Variants in PCDHGA3 observed in about 807,000 individuals in gnomAD.
PCDHGA3 encodes the protein protocadherin gamma subfamily A, 3.
A neutral mutation model predicts 58.5 loss-of-function variants in PCDHGA3; 40 were observed. The ratio of observed to expected loss-of-function variants is 0.68; its 90% CI spans 0.53 to 0.89. The LOEUF is 0.89. Ranked by LOEUF, PCDHGA3 falls within the 40% of genes least tolerant of loss-of-function variation. The probability of loss-of-function intolerance (pLI) is 0.00; values close to 1 mark genes in which losing one functional copy is unlikely to be tolerated. For synonymous variants in PCDHGA3, 530 were observed against 525.7 expected, an observed-to-expected ratio of 1.01 and a Z score of -0.11; for missense variants, 1,223 against 1,195.9, an observed-to-expected ratio of 1.02 and a Z score of -0.33.
chr5:141,409,187 A>C, intron 1 of PCDHGA3: 1 of 1,614,024 alleles, frequency 6.2e-7, no homozygotes, highest in Non-Finnish European at 8.5e-7. Flanking sequence ...TGGTCTCTCT[A>C]CCCAGTGTAA....
intron 1 of PCDHGA3, chr5:141,370,267 C>G (rs960781969): frequency 3.9e-6 from 3 of 767,522 alleles, no homozygotes; most frequent in Non-Finnish European, 6.1e-6. Flanking sequence ...CTTCCTGCAG[C>G]GGAGACACCC....
At position 141,363,058 on chromosome 5, in the gene PCDHGA3, C is replaced by G. The variant is rs114390762; in HGVS notation, c.2424+16601C>G. On this transcript the variant is annotated intron_variant, in intron 1 of 3. Coordinates refer to ENST00000253812, the MANE Select transcript of PCDHGA3 (RefSeq NM_018916.4). ...GACTTGAAGACCAACACTCAGTAAG[C>G]TAAATGTCTTGGAATCACAAATGTA... Among the ~76,000 whole-genome samples the G allele has an allele frequency of 1.4e-3, 215 of 152,336 alleles. 2 individuals carry two copies. Among genetic ancestry groups the G allele is most frequent in the African/African-American group, 4.9e-3 (205 of 41,574 alleles).
Position 141,366,720 on chromosome 5 carries a change from T to C in PCDHGA3, c.2424+20263T>C, listed in dbSNP as rs1471976896. 1.2e-6 allele frequency: 2 copies of C among 1,613,598 alleles called. No individual in the cohort carries two copies. Among genetic ancestry groups the C allele is most frequent in the East Asian group, 4.5e-5 (2 of 44,886 alleles). On this transcript the variant is annotated intron_variant, in intron 1 of 3. Transcript: ENST00000253812. ...GAGCCTCTTCTGATGTCTGATAAGG[T>C]AGATGCAAACAAAGAAGAACGGCGA... is the stretch of plus-strand genomic sequence containing the variant.
intron 1 of PCDHGA3, chr5:141,433,007 C>T (rs550227016): frequency 1.2e-6 from 2 of 1,614,198 alleles, no homozygotes; most frequent in Admixed American, 3.3e-5. Context: ...GCAGGCTTTC[C>T]TGCAGACCTA....
intron 1 of PCDHGA3, chr5:141,427,495 C>T: frequency 1.8e-6 from 1 of 562,648 alleles, no homozygotes; most frequent in South Asian, 1.5e-5. Flanking sequence ...AAGCTTGTAA[C>T]AGATGGGACC....
chr5:141,374,581 C>G, intron 1 of PCDHGA3: 14 of 1,613,660 alleles, frequency 8.7e-6, no homozygotes, highest in Non-Finnish European at 1.0e-5. Flanking sequence ...GAATGAACTC[C>G]CTTCAGGGAT....
chr5:141,391,906 T>C (rs2092441756), intron 1 of PCDHGA3: 2 of 152,218 alleles, frequency 1.3e-5, no homozygotes, highest in Non-Finnish European at 2.9e-5. Flanking sequence ...GCTTTGCTTT[T>C]TATCATATAT....
At position 141,486,028 on chromosome 5, in the gene PCDHGA3, C is replaced by T; in HGVS notation, c.2425-8779C>T. On this transcript the variant is annotated intron_variant, in intron 1 of 3. Transcript: ENST00000253812. This position sits in a 1 kb window ranked among gnomAD's most constrained non-coding sequence, Gnocchi z 5.0. ...TCACCTTTTATTTCAGTGGTCATAC[C>T]CCTGATCGTGTAAGAAACCTCTTTA... The T allele has an allele frequency of 6.2e-7, 1 of 1,614,134 alleles. No individual in the cohort carries two copies. Among genetic ancestry groups the T allele is most frequent in the Non-Finnish European group, 8.5e-7 (1 of 1,180,020 alleles).
At chr5:141,386,253 A>G (rs539545859) in intron 1 of PCDHGA3, among the ~76,000 whole-genome samples, 1 of 152,364 alleles carries the variant, frequency 6.6e-6, no homozygotes, top group Admixed American at 6.5e-5. Context: ...AAATAACCCA[A>G]TCTGGGATTA....
At chr5:141,364,414 C>T in intron 1 of PCDHGA3, 3 of 1,612,330 alleles carry the variant, frequency 1.9e-6, no homozygotes, top group Non-Finnish European at 2.5e-6. Flanking sequence ...AGCCAGGATC[C>T]GGGCAGATCC....
intron 1 of PCDHGA3, chr5:141,375,477 AC>A (rs768233872): frequency 3.1e-6 from 5 of 1,613,798 alleles, no homozygotes; most frequent in Non-Finnish European, 4.2e-6. Context: ...CTTGAAAACA[AC>A]CCCAGGGGTG....
In PCDHGA3 at chr5:141,476,836, T is replaced by C. The variant is rs772607917; in HGVS notation, c.2425-17971T>C. On this transcript the variant is annotated intron_variant, in intron 1 of 3. Coordinates refer to ENST00000253812, the MANE Select transcript of PCDHGA3 (RefSeq NM_018916.4). The surrounding 1 kb of genome is among the most constrained non-coding windows in gnomAD (Gnocchi z 7.6). ...TCAAGGTGCTGGACGCGAATGACAATGCGCCTGTCTTCAACCAGTCCTTGT... is the reference window on the plus strand; with the variant it reads ...TCAAGGTGCTGGACGCGAATGACAACGCGCCTGTCTTCAACCAGTCCTTGT... 1.9e-6 allele frequency: 3 copies of C among 1,613,652 alleles called. 1 individual carries two copies. The highest frequency in any genetic ancestry group is 2.2e-5 in the East Asian group (1 of 44,852).
At chr5:141,418,185 T>C in intron 1 of PCDHGA3, 1 of 1,614,058 alleles carries the variant, frequency 6.2e-7, no homozygotes, top group Non-Finnish European at 8.5e-7. Flanking sequence ...TTGGAAGCTG[T>C]GGTGGAAAAT....
chr5:141,371,999 C>T (rs1243800762), intron 1 of PCDHGA3: 33 of 1,613,154 alleles, frequency 2.0e-5, no homozygotes, highest in Non-Finnish European at 2.8e-5. Flanking sequence ...TGCAGGCCCG[C>T]GACCAGGGCT....
At chr5:141,475,889 T>C in intron 1 of PCDHGA3, 1 of 562,248 alleles carries the variant, frequency 1.8e-6, no homozygotes, top group Non-Finnish European at 3.1e-6. Context: ...GCTGGGACTC[T>C]GTGTGCCGCT....
At chr5:141,390,632 A>G in intron 1 of PCDHGA3, 1 of 240,428 alleles carries the variant, frequency 4.2e-6, no homozygotes, top group Admixed American at 5.1e-5. Context: ...ATATATGATG[A>G]ATACTTTTTT....
At chr5:141,421,603 G>T (rs1207844782) in intron 1 of PCDHGA3, 4 of 1,613,758 alleles carry the variant, frequency 2.5e-6, no homozygotes, top group Non-Finnish European at 3.4e-6. Context: ...GGAAATAATA[G>T]ATATTAATGA....
At chr5:141,366,530 G>A (rs1367752989) in intron 1 of PCDHGA3, 4 of 1,614,230 alleles carry the variant, frequency 2.5e-6, no homozygotes, top group African/African-American at 1.3e-5. Flanking sequence ...CAGGTTGGCG[G>A]GTGTGCCCGC....
At chr5:141,401,059 G>T (rs1418485253) in intron 1 of PCDHGA3, among the ~76,000 whole-genome samples, 2 of 152,082 alleles carry the variant, frequency 1.3e-5, no homozygotes, top group Non-Finnish European at 2.9e-5. Flanking sequence ...AATACTATAT[G>T]TTGGCTGGGT....
Sources: allele counts gnomAD v4.1 joint callset (sites outside exome capture counted in the v4.1 genomes callset), GRCh38; gene constraint gnomAD v4.1.1; non-coding constraint Gnocchi (gnomAD v3.1); transcripts MANE v1.5; gene names NCBI Gene and HGNC (gene_info 2026-07-23, HGNC 2026-07-21).